The following SLC36A2 variants were observed in gnomAD, a reference collection of about 807,000 sequenced individuals.
SLC36A2 encodes the protein proton-coupled amino acid transporter 2.
Under a neutral mutation model 42.7 loss-of-function variants are expected in SLC36A2, and 39 were observed. That is an observed-to-expected ratio of 0.91 (90% CI 0.71 to 1.19). The LOEUF (loss-of-function observed/expected upper bound fraction) is 1.19. Ranked by LOEUF, SLC36A2 falls within the 50% of genes most tolerant of loss-of-function variation. The probability of loss-of-function intolerance (pLI) is 0.00; values close to 1 mark genes in which losing one functional copy is unlikely to be tolerated. For synonymous variants in SLC36A2, 237 were observed against 240.8 expected, an observed-to-expected ratio of 0.98 and a Z score of 0.15; for missense variants, 590 against 613.7, an observed-to-expected ratio of 0.96 and a Z score of 0.41.
chr5:151,323,700 T>C (rs1755766450), intron 8 of SLC36A2, among the ~76,000 whole-genome samples: 1 of 152,216 alleles, frequency 6.6e-6, no homozygotes, highest in Admixed American at 6.5e-5. Flanking sequence ...CAAGGCCTGT[T>C]TGCTACTCTG....
At position 151,325,519 on chromosome 5, in the gene SLC36A2, C is replaced by T. The variant is rs542581842; in HGVS notation, c.844-67G>A. On this transcript the variant is annotated intron_variant, in intron 7 of 9. Transcript: ENST00000335244. ...GAACAAAAAGAAAAATGGCATTCCACTTCTGGATGTCTACCCCAAAGAACT... is the reference window on the plus strand; with the variant it reads ...GAACAAAAAGAAAAATGGCATTCCATTTCTGGATGTCTACCCCAAAGAACT... 8.1e-5 allele frequency: 123 copies of T among 1,513,564 alleles called. 1 individual carries two copies. The South Asian group carries it at 1.2e-3, about 15-fold the overall frequency. The allele number at this position is 1,513,564 out of a possible 1,614,324, so 93.8% of individuals were successfully genotyped here. A position where few individuals can be genotyped will look rare whatever the true frequency, so the allele number is the denominator to read the frequency against.
intron 6 of SLC36A2, among the ~76,000 whole-genome samples, chr5:151,334,993 G>T (rs182195448): frequency 1.3e-5 from 2 of 152,048 alleles, no homozygotes; most frequent in African/African-American, 2.4e-5. Flanking sequence ...TGTAGTACAA[G>T]AATCTGTTTT....
chr5:151,319,245 T>G (rs3846710), intron 9 of SLC36A2: 6 of 423,792 alleles, frequency 1.4e-5, no homozygotes, highest in African/African-American at 2.2e-5. Context: ...TAGTGTAGGC[T>G]TAAGGGATTG....
At position 151,316,557 on chromosome 5, in the gene SLC36A2, A is replaced by G. The variant is rs1296065206; in HGVS notation, c.*260T>C. 2.5e-6 allele frequency: 1 copy of G among 402,582 alleles called. No homozygotes were observed. The allele number at this position is 402,582 out of a possible 1,614,324, so 24.9% of individuals were successfully genotyped here. ...GGAGTTCAAGACCAGCCTGACCAAC[A>G]TGGAGAAACCCCGTCTCTACTAAAA... On this transcript the variant is annotated 3_prime_UTR_variant, in exon 10 of 10. Transcript: ENST00000335244.
intron 7 of SLC36A2, among the ~76,000 whole-genome samples, chr5:151,327,169 G>A (rs1755876797): frequency 6.6e-6 from 1 of 151,828 alleles, no homozygotes; most frequent in South Asian, 2.1e-4. Flanking sequence ...CACAGTTAAG[G>A]GCTTAGTAAA....
intron 6 of SLC36A2, 46 bp downstream of exon 6, chr5:151,335,283 A>G (rs750747527): frequency 6.7e-7 from 1 of 1,499,032 alleles, no homozygotes; most frequent in East Asian, 2.4e-5. Flanking sequence ...TCCTTGATAA[A>G]AAAACCCTGC....
Position 151,333,460 on chromosome 5 carries a change from AG to A in SLC36A2, c.745-139del, listed in dbSNP as rs1756053446. ...AGTTTAGAAAACTTCAAAGGGATGT[AG>A]GCCACGATCAAAGTTGATTTCAACA... On this transcript the variant is annotated intron_variant, in intron 6 of 9. Coordinates refer to ENST00000335244, the MANE Select transcript of SLC36A2 (RefSeq NM_181776.3). The A allele has an allele frequency of 4.2e-6, 3 of 721,850 alleles. No individual in the cohort carries two copies. The Admixed American group carries it at 6.5e-5, about 16-fold the overall frequency. 44.7% of individuals were successfully genotyped at this position (721,850 alleles called of 1,614,324 possible). A position where few individuals can be genotyped will look rare whatever the true frequency, so the allele number is the denominator to read the frequency against.
intron 7 of SLC36A2, among the ~76,000 whole-genome samples, chr5:151,329,108 C>T (rs2127291265): frequency 6.6e-6 from 1 of 152,332 alleles, no homozygotes; most frequent in East Asian, 1.9e-4. Flanking sequence ...CTGGGCCCAG[C>T]CCTGAGCTGT....
chr5:151,324,263 C>T (rs1755787284), intron 8 of SLC36A2, among the ~76,000 whole-genome samples: 1 of 152,108 alleles, frequency 6.6e-6, no homozygotes, highest in Admixed American at 6.5e-5. Flanking sequence ...CTGCCTCAGC[C>T]TCCTGAGTAG....
rs1442941941 is a variant in SLC36A2, at chr5:151,315,089, A to AC, written c.*1727dup. ...GTTGGATATAGTCTAGGATGGCTTT[A>AC]CTCGTGTCTGGAAGTTGGTAGGCTG... On this transcript the variant is annotated 3_prime_UTR_variant, in exon 10 of 10. Transcript: ENST00000335244. 1 of 152,620 alleles carries AC rather than the reference A, an allele frequency of 6.6e-6. No homozygotes were observed. The highest frequency in any genetic ancestry group is 1.5e-5 in the Non-Finnish European group (1 of 68,080). The allele number at this position is 152,620 out of a possible 1,614,324, so 9.5% of individuals were successfully genotyped here. A position where few individuals can be genotyped will look rare whatever the true frequency, so the allele number is the denominator to read the frequency against.
intron 7 of SLC36A2, among the ~76,000 whole-genome samples, chr5:151,329,487 A>G (rs1325198738): frequency 6.6e-6 from 1 of 152,254 alleles, no homozygotes; most frequent in Non-Finnish European, 1.5e-5. Flanking sequence ...AGATGACTCA[A>G]ATGTTGGCAA....
At chr5:151,334,913 A>AT (rs898286708) in intron 6 of SLC36A2, among the ~76,000 whole-genome samples, 20 of 150,226 alleles carry the variant, frequency 1.3e-4, no homozygotes, top group Admixed American at 2.7e-4. Flanking sequence ...TAAATATTAG[A>AT]TTTTTTTTTT....
At position 151,314,985 on chromosome 5, in the gene SLC36A2, A is replaced by G. The variant is rs1422165201; in HGVS notation, c.*1832T>C. On this transcript the variant is annotated 3_prime_UTR_variant, in exon 10 of 10. Transcript: ENST00000335244. ...AACTTCCCACTCTTTATGTATTAAA[A>G]TTACAAACATCTTTATTATTTATCA... The G allele has an allele frequency of 6.5e-6, 1 of 152,686 alleles. No homozygotes were observed. The highest frequency in any genetic ancestry group is 1.9e-4 in the East Asian group (1 of 5,204). 9.5% of individuals were successfully genotyped at this position (152,686 alleles called of 1,614,324 possible).
chr5:151,343,338 A>G (rs1756400989), intron 3 of SLC36A2, among the ~76,000 whole-genome samples, 172 bp downstream of exon 3: 2 of 152,194 alleles, frequency 1.3e-5, no homozygotes, highest in African/African-American at 4.8e-5. Flanking sequence ...TCTCCTAAGG[A>G]GCCATGCAGA....
At chr5:151,335,180 C>A (rs1359615713) in intron 6 of SLC36A2, 149 bp downstream of exon 6, 7 of 656,148 alleles carry the variant, frequency 1.1e-5, no homozygotes, top group Non-Finnish European at 1.9e-5. Context: ...ACGGAGACAT[C>A]CTTGTAGAAG....
intron 1 of SLC36A2, among the ~76,000 whole-genome samples, chr5:151,346,626 T>C (rs1213264823): frequency 1.3e-5 from 2 of 152,166 alleles, no homozygotes; most frequent in Non-Finnish European, 2.9e-5. Context: ...ACACCTTTTG[T>C]TCCTAAGTAA....
rs755453724 is a variant in SLC36A2 at position 151,339,050 on chromosome 5, A to G, written c.525+10T>C. ...TCTTTTCCCCTCCCGTTTTCTCTAG[A>G]AGCCTCTACCTGTTTTAAATTATCA... On this transcript the variant is annotated intron_variant, in intron 5 of 9. Coordinates refer to ENST00000335244, the MANE Select transcript of SLC36A2 (RefSeq NM_181776.3). 1.7e-5 allele frequency: 27 copies of G among 1,602,382 alleles called. No homozygotes were observed. Among genetic ancestry groups the G allele is most frequent in the Non-Finnish European group, 2.2e-5 (26 of 1,170,992 alleles).
chr5:151,347,420 A>G lies in SLC36A2; in HGVS notation c.41T>C (p.Val14Ala), dbSNP rs747174051. 8.7e-6 allele frequency: 14 copies of G among 1,614,100 alleles called. No homozygotes were observed. The highest frequency in any genetic ancestry group is 3.3e-5 in the South Asian group (3 of 91,086). ...CGACATAAGGTCCAATTTGATGGCA[A>G]CGGCTCCCTGGGGACCCTCAGTACT... ...TKSTEGPQGA[V>A]AIKLDLMSPP... Residue 14 changes from valine to alanine, a missense_variant, in exon 1 of 10, where the codon GTT (valine) becomes GCT (alanine). Val to Ala is a moderately conservative substitution (Grantham distance 64). Transcript: ENST00000335244.
rs546369465 is a variant in SLC36A2, at chr5:151,328,003, T to C, written c.844-2551A>G. ...AATACTAAGAATCACAAGCACATAA[T>C]AGGCATTCAAGAAATACTTACTGAA... is the stretch of plus-strand genomic sequence containing the variant. On this transcript the variant is annotated intron_variant, in intron 7 of 9. Transcript: ENST00000335244. Among the ~76,000 whole-genome samples, 329 of 152,322 alleles carry C rather than the reference T, an allele frequency of 2.2e-3. 4 individuals carry two copies. The highest frequency in any genetic ancestry group is 7.5e-3 in the African/African-American group (313 of 41,570).
Sources: gnomAD v4.1 joint callset for allele counts (sites outside exome capture counted in the v4.1 genomes callset) on GRCh38, gnomAD v4.1.1 for gene constraint, MANE v1.5 for transcripts, NCBI Gene and HGNC (gene_info 2026-07-23, HGNC 2026-07-21) for gene names.